AKAP19: variants seen among roughly 807,000 people sequenced by gnomAD.
AKAP19 encodes A-kinase anchoring protein 19.
the AKAP19 span, among the ~76,000 whole-genome samples, chr2:190,031,514 G>A: frequency 4.5e-4 from 69 of 151,688 alleles, 1 homozygote; most frequent in African/African-American, 1.6e-3. Context: ...ACTTGACAAT[G>A]GTGGCAAAAT....
At chr2:189,996,282 G>A in the AKAP19 span, among the ~76,000 whole-genome samples, 1 of 152,078 alleles carries the variant, frequency 6.6e-6, no homozygotes, top group Admixed American at 6.6e-5. Flanking sequence ...GGGGAGCTTT[G>A]TTCATTTTTT....
chr2:190,029,503 T>C, the AKAP19 span, among the ~76,000 whole-genome samples: 1 of 152,146 alleles, frequency 6.6e-6, no homozygotes, highest in African/African-American at 2.4e-5. Context: ...TATTGATCTA[T>C]AAAAATGTTA....
the AKAP19 span, among the ~76,000 whole-genome samples, chr2:189,956,459 G>A: frequency 6.6e-6 from 1 of 151,428 alleles, no homozygotes; most frequent in Non-Finnish European, 1.5e-5. Flanking sequence ...GTGAGCCACC[G>A]CACCCGGCCT....
At chr2:189,921,329 G>A in the AKAP19 span, among the ~76,000 whole-genome samples, 1 of 152,186 alleles carries the variant, frequency 6.6e-6, no homozygotes, top group Non-Finnish European at 1.5e-5. Context: ...AATTATTTCA[G>A]AAAGAATAAA....
the AKAP19 span, among the ~76,000 whole-genome samples, chr2:190,195,396 A>G: frequency 6.6e-6 from 1 of 151,816 alleles, no homozygotes; most frequent in Non-Finnish European, 1.5e-5. Flanking sequence ...AGAAACTGCC[A>G]GACTGTCCTC....
the AKAP19 span, among the ~76,000 whole-genome samples, chr2:190,068,643 G>GT: frequency 2.0e-5 from 3 of 152,134 alleles, no homozygotes; most frequent in Admixed American, 6.6e-5. Flanking sequence ...CCAGAACAGT[G>GT]TTTTTTAAAT....
chr2:189,948,560 A>G, the AKAP19 span, among the ~76,000 whole-genome samples: 46 of 152,314 alleles, frequency 3.0e-4, no homozygotes, highest in African/African-American at 1.1e-3. Context: ...TTAACAATGT[A>G]TGTACATCCA....
the AKAP19 span, among the ~76,000 whole-genome samples, chr2:190,067,141 T>C: frequency 6.6e-6 from 1 of 152,116 alleles, no homozygotes; most frequent in Admixed American, 6.6e-5. Flanking sequence ...TTAAAACAAA[T>C]TGTCATGTGC....
the AKAP19 span, among the ~76,000 whole-genome samples, chr2:190,131,466 G>A: frequency 6.6e-6 from 1 of 152,168 alleles, no homozygotes; most frequent in South Asian, 2.1e-4. Flanking sequence ...AGAGGGTATG[G>A]GAGCTCCATG....
At chr2:189,974,647 G>T in the AKAP19 span, among the ~76,000 whole-genome samples, 1 of 152,164 alleles carries the variant, frequency 6.6e-6, no homozygotes, top group East Asian at 1.9e-4. Flanking sequence ...CTAAGGACTT[G>T]CTTTATGAAT....
At chr2:189,971,427 A>T in the AKAP19 span, among the ~76,000 whole-genome samples, 1 of 152,186 alleles carries the variant, frequency 6.6e-6, no homozygotes, top group Admixed American at 6.5e-5. Context: ...TATTGTGAAT[A>T]ATGCTGCAAT....
At chr2:190,057,182 T>C in the AKAP19 span, 1 of 1,551,634 alleles carries the variant, frequency 6.4e-7, no homozygotes, top group Non-Finnish European at 8.9e-7. Context: ...CCTGTGGTAC[T>C]TAATTTCACA....
the AKAP19 span, among the ~76,000 whole-genome samples, chr2:190,065,776 AG>A: frequency 6.6e-6 from 1 of 152,308 alleles, no homozygotes; most frequent in East Asian, 1.9e-4. Flanking sequence ...TACTATGAAT[AG>A]GGAGAATTGA....
At chr2:189,979,361 A>G in the AKAP19 span, among the ~76,000 whole-genome samples, 5 of 152,174 alleles carry the variant, frequency 3.3e-5, no homozygotes, top group African/African-American at 1.2e-4. Context: ...GGTGCTGGGA[A>G]AACTAGCCAG....
At chr2:190,112,917 G>C in the AKAP19 span, among the ~76,000 whole-genome samples, 1 of 151,992 alleles carries the variant, frequency 6.6e-6, no homozygotes, top group Non-Finnish European at 1.5e-5. Context: ...TCTAGACTTG[G>C]CCAATTTTAG....
the AKAP19 span, chr2:190,057,694 T>C: frequency 6.4e-7 from 1 of 1,567,160 alleles, no homozygotes; most frequent in Non-Finnish European, 8.8e-7. Flanking sequence ...AACACTTTTC[T>C]ACCTACCTTA....
chr2:189,990,239 CAT>C, the AKAP19 span, among the ~76,000 whole-genome samples: 1 of 152,154 alleles, frequency 6.6e-6, no homozygotes, highest in Admixed American at 6.5e-5. Flanking sequence ...TTTACTATCA[CAT>C]ATGATTTTAC....
the AKAP19 span, among the ~76,000 whole-genome samples, chr2:189,945,747 G>A: frequency 6.6e-6 from 1 of 152,096 alleles, no homozygotes; most frequent in African/African-American, 2.4e-5. Context: ...GGTCCTTTAT[G>A]TTATGTTATA....
the AKAP19 span, among the ~76,000 whole-genome samples, chr2:190,065,682 G>T: frequency 1.6e-4 from 25 of 152,180 alleles, no homozygotes; most frequent in East Asian, 2.7e-3. Context: ...ATGACCAGAG[G>T]CTCAACTAAC....
Sources: gnomAD v4.1 joint callset for allele counts (sites outside exome capture counted in the v4.1 genomes callset) on GRCh38, gnomAD v4.1.1 for gene constraint, MANE v1.5 for transcripts, NCBI Gene and HGNC (gene_info 2026-07-23, HGNC 2026-07-21) for gene names.